Variants in QDPR observed in about 807,000 individuals in gnomAD.
QDPR encodes the protein dihydropteridine reductase.
QDPR carries 23 observed loss-of-function variants against 31.7 expected under a neutral mutation model. The observed-to-expected ratio is 0.73, with a 90% CI of 0.52 to 1.03. The LOEUF is 1.03. QDPR is among the 50% of genes least tolerant of loss of function. QDPR has a pLI of 0.00. For missense variants in QDPR, 324 were observed against 323.8 expected, an observed-to-expected ratio of 1.00 and a Z score of 0.00; for synonymous variants, 124 against 124.7, an observed-to-expected ratio of 0.99 and a Z score of 0.03.
chr4:17,501,213 G>T (rs1003669465), intron 4 of QDPR, among the ~76,000 whole-genome samples: 7 of 152,106 alleles, frequency 4.6e-5, no homozygotes, highest in Non-Finnish European at 1.5e-5. Flanking sequence ...TAGAGATAGG[G>T]TCTCACTATG....
At chr4:17,500,517 T>C (rs1426315894) in intron 4 of QDPR, among the ~76,000 whole-genome samples, 3 of 152,130 alleles carry the variant, frequency 2.0e-5, no homozygotes, top group African/African-American at 4.8e-5. Context: ...TAGTCCAATA[T>C]GCCTGGTTTC....
At chr4:17,491,600 A>G (rs1229409444) in intron 5 of QDPR, among the ~76,000 whole-genome samples, 2 of 152,202 alleles carry the variant, frequency 1.3e-5, no homozygotes, top group Non-Finnish European at 2.9e-5. Context: ...TACATATAAA[A>G]AAGTAAAATG....
chr4:17,498,782 G>A (rs1718452998), intron 4 of QDPR, among the ~76,000 whole-genome samples: 1 of 152,190 alleles, frequency 6.6e-6, no homozygotes, highest in Admixed American at 6.5e-5. Flanking sequence ...ATAGGAGGGT[G>A]AGGTTTTCTC....
intron 3 of QDPR, 75 bp downstream of exon 3, chr4:17,504,304 C>G: frequency 7.6e-7 from 1 of 1,312,860 alleles, no homozygotes; most frequent in Non-Finnish European, 1.1e-6. Context: ...GGCCTGTCAC[C>G]TAGTGCAAAC....
chr4:17,505,086 T>C (rs1718710525), intron 2 of QDPR, among the ~76,000 whole-genome samples: 1 of 152,162 alleles, frequency 6.6e-6, no homozygotes, highest in Non-Finnish European at 1.5e-5. Context: ...TTTAAAGCAT[T>C]GAAAATATAT....
chr4:17,487,351 G>A (rs1186836340), intron 6 of QDPR, 115 bp from the exon 7 acceptor site: 2 of 805,054 alleles, frequency 2.5e-6, no homozygotes, highest in Non-Finnish European at 2.1e-6. Context: ...AGCAGCGACT[G>A]TTTAAAAGCC....
chr4:17,490,708 G>A lies in QDPR; in HGVS notation c.583C>T (p.Pro195Ser), dbSNP rs1377720772. The change falls in exon 6 of 7, where the codon CCT becomes TCT. Residue 195 changes from proline to serine, a missense_variant. Transcript: ENST00000281243. ...LDTPMNRKSMPEADFSSWTPL... is the reference protein window; with the variant it reads ...LDTPMNRKSMSEADFSSWTPL... ...GTCCAGGAGCTGAAGTCAGCCTCAG[G>A]CATTGATTTCCTGTTCATCGGGGTA... is the stretch of plus-strand genomic sequence containing the variant. The A allele has an allele frequency of 2.6e-5, 42 of 1,613,882 alleles. No individual in the cohort carries two copies. The highest frequency in any genetic ancestry group is 1.6e-4 in the Middle Eastern group (1 of 6,078).
chr4:17,504,872 A>T (rs1438848718), intron 2 of QDPR, among the ~76,000 whole-genome samples: 1 of 152,214 alleles, frequency 6.6e-6, no homozygotes, highest in Non-Finnish European at 1.5e-5. Flanking sequence ...AAATCACAGA[A>T]TTATAATCCA....
At chr4:17,496,774 G>C (rs1292620648) in intron 4 of QDPR, among the ~76,000 whole-genome samples, 1 of 151,010 alleles carries the variant, frequency 6.6e-6, no homozygotes, top group African/African-American at 2.4e-5. Context: ...TTGTTTGTTT[G>C]GAGACAGAGT....
chr4:17,508,022 G>A (rs1450981532), intron 2 of QDPR, among the ~76,000 whole-genome samples: 1 of 152,150 alleles, frequency 6.6e-6, no homozygotes, highest in Non-Finnish European at 1.5e-5. Flanking sequence ...CTATATTTAC[G>A]TAGTTTTGTT....
chr4:17,509,399 G>A lies in QDPR; in HGVS notation c.106-36C>T, dbSNP rs775901645. On this transcript the variant is annotated intron_variant, in intron 1 of 6. Transcript: ENST00000281243. Reference sequence around the variant, plus strand: ...AAAACAGCTTTGGTTAAGAGGCAGTGAGTTGTTATTCCATGAAAGAGTCAC... The same window carrying A: ...AAAACAGCTTTGGTTAAGAGGCAGTAAGTTGTTATTCCATGAAAGAGTCAC... 12 of 1,563,122 alleles carry A rather than the reference G, an allele frequency of 7.7e-6. No individual in the cohort carries two copies. In the South Asian group the frequency reaches 1.2e-4, roughly 16 times the overall value.
chr4:17,492,369 G>C (rs1379927651), intron 4 of QDPR, 29 bp from the exon 5 acceptor site: 59 of 1,568,172 alleles, frequency 3.8e-5, no homozygotes, highest in Non-Finnish European at 5.2e-5. Flanking sequence ...ATGGCTCAGT[G>C]ACCACTGGCG....
Position 17,504,384 on chromosome 4 carries a change from G to C in QDPR, c.290C>G (p.Ser97Cys), listed in dbSNP as rs1577193014. The C allele has an allele frequency of 1.2e-6, 2 of 1,613,424 alleles. No individual in the cohort carries two copies. The highest frequency in any genetic ancestry group is 8.5e-7 in the Non-Finnish European group (1 of 1,179,344). Reference protein sequence around the residue: ...AGGWAGGNAKSKSLFKNCDLM... With the variant: ...AGGWAGGNAKCKSLFKNCDLM... ...TGACTCAGGAAAGGACTCACACTTG[G>C]ATTTGGCATTGCCCCCGGCCCATCC... Residue 97 changes from serine (S) to cysteine (C), a missense_variant, in exon 3 of 7, where the codon TCC becomes TGC. By Grantham distance (112) the Ser-to-Cys change is moderately radical. Coordinates refer to ENST00000281243, the MANE Select transcript of QDPR (RefSeq NM_000320.3).
chr4:17,491,102 A>G (rs1217896435), intron 5 of QDPR, among the ~76,000 whole-genome samples: 2 of 152,200 alleles, frequency 1.3e-5, no homozygotes, highest in African/African-American at 4.8e-5. Context: ...CATGCAGCAC[A>G]CTCATTTCTA....
intron 1 of QDPR, among the ~76,000 whole-genome samples, chr4:17,510,710 T>C (rs1280634089): frequency 6.6e-6 from 1 of 152,132 alleles, no homozygotes; most frequent in Non-Finnish European, 1.5e-5. Context: ...CACATGACGC[T>C]AACAGGATCT....
chr4:17,492,869 G>A (rs1267810327), intron 4 of QDPR, among the ~76,000 whole-genome samples: 2 of 152,146 alleles, frequency 1.3e-5, no homozygotes, highest in Non-Finnish European at 2.9e-5. Flanking sequence ...GGCAAGAAAT[G>A]GGTTCTGAAC....
chr4:17,494,963 C>T (rs1051890895), intron 4 of QDPR, among the ~76,000 whole-genome samples: 3 of 152,184 alleles, frequency 2.0e-5, no homozygotes, highest in African/African-American at 7.2e-5. Flanking sequence ...ACGCACAGAA[C>T]CCGATCAGGG....
intron 1 of QDPR, among the ~76,000 whole-genome samples, chr4:17,510,222 T>TG (rs1350060634): frequency 3.9e-5 from 6 of 152,208 alleles, no homozygotes; most frequent in African/African-American, 1.4e-4. Context: ...CAGAGAGGGA[T>TG]GGACTTTAGG....
intron 4 of QDPR, among the ~76,000 whole-genome samples, chr4:17,493,797 T>C (rs937068028): frequency 1.3e-5 from 2 of 152,140 alleles, no homozygotes; most frequent in African/African-American, 4.8e-5. Flanking sequence ...AGGAGGTCGG[T>C]AGGTGGAGCT....
Sources: gnomAD v4.1 joint callset for allele counts (sites outside exome capture counted in the v4.1 genomes callset) on GRCh38, gnomAD v4.1.1 for gene constraint, MANE v1.5 for transcripts, NCBI Gene and HGNC (gene_info 2026-07-23, HGNC 2026-07-21) for gene names.